Variants in DYNC2H1 observed in about 807,000 individuals in gnomAD.
DYNC2H1 encodes cytoplasmic dynein 2 heavy chain 1.
A neutral mutation model predicts 570.0 loss-of-function variants in DYNC2H1; 410 were observed. The observed-to-expected ratio is 0.72, with a 90% CI of 0.66 to 0.78. DYNC2H1 has a LOEUF of 0.78. DYNC2H1 is among the 30% of genes least tolerant of loss of function. The pLI is 0.00. For synonymous variants in DYNC2H1, 1,688 were observed against 1,677.6 expected, an observed-to-expected ratio of 1.01 and a Z score of -0.15; for missense variants, 4,865 against 5,046.4, an observed-to-expected ratio of 0.96 and a Z score of 1.09.
rs1166043840 is a variant in DYNC2H1 at position 103,187,998 on chromosome 11, T to C, written c.7140+412T>C. On this transcript the variant is annotated intron_variant, in intron 43 of 88. Transcript: ENST00000375735. ...TAACCCATTATTCTCCATTTTTGCC[T>C]GTATAAGGATTTGAGATCACATATC... 2.0e-5 allele frequency among the ~76,000 whole-genome samples: 3 copies of C among 152,188 alleles called. No homozygotes were observed. The East Asian group carries it at 5.8e-4, about 29-fold the overall frequency.
chr11:103,176,248 T>C lies in DYNC2H1; in HGVS notation c.5688T>C (p.His1896=). 3 of 1,498,026 alleles carry C rather than the reference T, an allele frequency of 2.0e-6. No individual in the cohort carries two copies. The highest frequency in any genetic ancestry group is 8.9e-7 in the Non-Finnish European group (1 of 1,128,308). The allele number at this position is 1,498,026 out of a possible 1,614,324, so 92.8% of individuals were successfully genotyped here. Residue 1896 remains histidine (H), a synonymous_variant, in exon 37 of 89, where the codon CAT becomes CAC. Transcript: ENST00000375735. The stretch of plus-strand genomic sequence containing the variant: ...ACTTTTTTCTAGCTAATGAAAGTCA[T>C]ATTGTGGTACAAGCACTGAGGCTTA... The part of the protein sequence containing the change: ...SGTTQNANES[H]IVVQALRLNT...
chr11:103,479,250 G>A lies in DYNC2H1; in HGVS notation c.12921G>A (p.Gln4307=). ...QCGAALFLKN[Q] Reference sequence around the variant, plus strand: ...GAGCAGCTCTATTCCTAAAAAATCAGTAGAATCTAATGACAACAAAAGCCA... The same window carrying A: ...GAGCAGCTCTATTCCTAAAAAATCAATAGAATCTAATGACAACAAAAGCCA... The change falls in exon 89 of 89, where the codon CAG becomes CAA. Residue 4307 remains glutamine (Q), a synonymous_variant. Coordinates refer to ENST00000375735, the MANE Select transcript of DYNC2H1 (RefSeq NM_001377.3). The A allele has an allele frequency of 6.2e-7, 1 of 1,609,192 alleles. No individual in the cohort carries two copies. Among genetic ancestry groups the A allele is most frequent in the African/African-American group, 1.3e-5 (1 of 74,946 alleles).
At chr11:103,323,073 G>A (rs1938295860) in intron 81 of DYNC2H1, among the ~76,000 whole-genome samples, 1 of 152,188 alleles carries the variant, frequency 6.6e-6, no homozygotes, top group Non-Finnish European at 1.5e-5. Flanking sequence ...CGGATGAGGG[G>A]AAGTCAGAGG....
Position 103,264,953 on chromosome 11 carries a change from T to C in DYNC2H1, c.10695+4976T>C, listed in dbSNP as rs890090502. Among the ~76,000 whole-genome samples the C allele has an allele frequency of 1.3e-5, 2 of 152,142 alleles. No individual in the cohort carries two copies. Among genetic ancestry groups the C allele is most frequent in the Non-Finnish European group, 2.9e-5 (2 of 68,034 alleles). On this transcript the variant is annotated intron_variant, in intron 70 of 88. Coordinates refer to ENST00000375735, the MANE Select transcript of DYNC2H1 (RefSeq NM_001377.3). This position sits in a 1 kb window ranked among gnomAD's most constrained non-coding sequence, Gnocchi z 4.8. ...TGTCTCTGTTTGGAGATGACATGATTGTATATTTAGAAAACCCCATCGTCT... is the reference window on the plus strand; with the variant it reads ...TGTCTCTGTTTGGAGATGACATGATCGTATATTTAGAAAACCCCATCGTCT...
chr11:103,390,753 A>G (rs7927772), intron 83 of DYNC2H1, among the ~76,000 whole-genome samples: 5,395 of 152,218 alleles, frequency 0.035, 314 homozygotes, highest in African/African-American at 0.12. Context: ...TCCTTCACTT[A>G]GGAAGTTTAG....
intron 75 of DYNC2H1, among the ~76,000 whole-genome samples, chr11:103,302,307 C>T (rs1867082147): frequency 6.6e-6 from 1 of 151,922 alleles, no homozygotes; most frequent in South Asian, 2.1e-4. Context: ...GTTTATATAT[C>T]ATTTAAATAA....
At chr11:103,263,022 C>CAAAAAAAA (rs35912109) in intron 70 of DYNC2H1, among the ~76,000 whole-genome samples, 10 of 39,970 alleles carry the variant, frequency 2.5e-4, no homozygotes, top group Admixed American at 3.6e-4. Context: ...AAATGGAAAG[C>CAAAAAAAA]AAAAAAAAAA....
intron 63 of DYNC2H1, among the ~76,000 whole-genome samples, chr11:103,237,695 T>C (rs1864272344): frequency 2.0e-5 from 3 of 151,856 alleles, no homozygotes; most frequent in Non-Finnish European, 1.5e-5. Context: ...TAGCCACATC[T>C]TTTTCCTGTT....
rs983092739 is a variant in DYNC2H1, at chr11:103,277,321, A to G, written c.10696-3027A>G. Among the ~76,000 whole-genome samples the G allele has an allele frequency of 6.6e-6, 1 of 151,908 alleles. No homozygotes were observed. Among genetic ancestry groups the G allele is most frequent in the Non-Finnish European group, 1.5e-5 (1 of 67,972 alleles). ...CTCCAATTTTATTTTAATGTGGGTA[A>G]TTTCCTTCGGTTTTTCTTTCATTTT... On this transcript the variant is annotated intron_variant, in intron 70 of 88. Coordinates refer to ENST00000375735, the MANE Select transcript of DYNC2H1 (RefSeq NM_001377.3). This position sits in a 1 kb window ranked among gnomAD's most constrained non-coding sequence, Gnocchi z 4.3.
Position 103,321,578 on chromosome 11 carries a change from A to G in DYNC2H1, c.11934+341A>G, listed in dbSNP as rs58056129. On this transcript the variant is annotated intron_variant, in intron 81 of 88. Coordinates refer to ENST00000375735, the MANE Select transcript of DYNC2H1 (RefSeq NM_001377.3). ...ATAGTAGGCATGAGTATACTCTCAT[A>G]TATTGAAAAATATGAAAGAAGACAA... Among the ~76,000 whole-genome samples the G allele has an allele frequency of 5.3e-3, 801 of 152,256 alleles. 10 individuals carry two copies. Among genetic ancestry groups the G allele is most frequent in the African/African-American group, 0.019 (774 of 41,538 alleles).
intron 80 of DYNC2H1, among the ~76,000 whole-genome samples, chr11:103,317,474 A>T (rs1437336713): frequency 6.6e-6 from 1 of 152,144 alleles, no homozygotes; most frequent in Non-Finnish European, 1.5e-5. Context: ...TGGCAGTCCA[A>T]GCAATAATTT....
chr11:103,322,220 C>A (rs1938244596), intron 81 of DYNC2H1, among the ~76,000 whole-genome samples: 1 of 151,972 alleles, frequency 6.6e-6, no homozygotes, highest in Non-Finnish European at 1.5e-5. Context: ...TCTAGCAGAA[C>A]CTTAGAGGGA....
intron 84 of DYNC2H1, chr11:103,407,185 G>C (rs1450020023): frequency 6.6e-6 from 1 of 151,792 alleles, no homozygotes; most frequent in East Asian, 1.9e-4. Flanking sequence ...CTAGTATTGT[G>C]ATAAGAGTTC....
Position 103,160,925 on chromosome 11 carries a change from A to G in DYNC2H1, c.4379-7A>G. 6.8e-7 allele frequency: 1 copy of G among 1,478,464 alleles called. No homozygotes were observed. Among genetic ancestry groups the G allele is most frequent in the South Asian group, 1.4e-5 (1 of 72,876 alleles). 91.6% of individuals were successfully genotyped at this position (1,478,464 alleles called of 1,614,324 possible). A position where few individuals can be genotyped will look rare whatever the true frequency, so the allele number is the denominator to read the frequency against. On this transcript the variant is annotated splice_region_variant and splice_polypyrimidine_tract_variant and intron_variant, in intron 28 of 88. Coordinates refer to ENST00000375735, the MANE Select transcript of DYNC2H1 (RefSeq NM_001377.3). Reference sequence around the variant, plus strand: ...TTTGCAATTCAATCATTGCTTTTATATTTCAGGTATTAACAGTGTTTGCTT... The same window carrying G: ...TTTGCAATTCAATCATTGCTTTTATGTTTCAGGTATTAACAGTGTTTGCTT...
chr11:103,260,514 T>G (rs1865230221), intron 70 of DYNC2H1, among the ~76,000 whole-genome samples: 1 of 152,210 alleles, frequency 6.6e-6, no homozygotes. Flanking sequence ...ATGAAATTTT[T>G]TACAGAAGTC....
intron 26 of DYNC2H1, 138 bp downstream of exon 26, chr11:103,156,908 CT>C (rs1860862361): frequency 9.1e-7 from 1 of 1,094,616 alleles, no homozygotes; most frequent in East Asian, 2.7e-5. Context: ...CTAGTGGATC[CT>C]TTTGAGAAGC....
chr11:103,224,449 C>G (rs1048336093), intron 59 of DYNC2H1, among the ~76,000 whole-genome samples: 9 of 152,128 alleles, frequency 5.9e-5, no homozygotes, highest in Admixed American at 2.0e-4. Flanking sequence ...CTCATTCTTA[C>G]GCCTTTGCGT....
chr11:103,212,870 T>G (rs1863211387), intron 54 of DYNC2H1, among the ~76,000 whole-genome samples: 1 of 152,190 alleles, frequency 6.6e-6, no homozygotes, highest in Non-Finnish European at 1.5e-5. Context: ...TCACTTTAAC[T>G]TACTGTTTTG....
chr11:103,262,574 A>G (rs750672964), intron 70 of DYNC2H1, among the ~76,000 whole-genome samples: 4 of 152,178 alleles, frequency 2.6e-5, no homozygotes, highest in Non-Finnish European at 5.9e-5. Flanking sequence ...AGAATTTTCA[A>G]CCCATAATTT....
Sources: allele counts gnomAD v4.1 joint callset (sites outside exome capture counted in the v4.1 genomes callset), GRCh38; gene constraint gnomAD v4.1.1; non-coding constraint Gnocchi (gnomAD v3.1); transcripts MANE v1.5; gene names NCBI Gene and HGNC (gene_info 2026-07-23, HGNC 2026-07-21).